The following RTTN variants were observed in gnomAD, a reference collection of about 807,000 sequenced individuals.
The protein encoded by RTTN is rotatin.
A neutral mutation model predicts 269.2 loss-of-function variants in RTTN; 182 were observed. The observed-to-expected ratio is 0.68, with a 90% CI of 0.60 to 0.76. The LOEUF (loss-of-function observed/expected upper bound fraction) is 0.76, where lower values mean the gene tolerates loss of function less well. RTTN is among the 30% of genes least tolerant of loss of function. RTTN has a pLI of 0.00. For missense variants in RTTN, 2,545 were observed against 2,608.6 expected, an observed-to-expected ratio of 0.98 and a Z score of 0.53; for synonymous variants, 1,006 against 963.5, an observed-to-expected ratio of 1.04 and a Z score of -0.82.
chr18:70,118,038 T>A (rs2145527717), intron 26 of RTTN, among the ~76,000 whole-genome samples: 1 of 151,392 alleles, frequency 6.6e-6, no homozygotes, highest in South Asian at 2.1e-4. Context: ...AAGAAAGATA[T>A]CAAGTAAACA....
intron 47 of RTTN, 43 bp downstream of exon 47, chr18:70,006,338 T>A: frequency 7.2e-7 from 1 of 1,381,950 alleles, no homozygotes; most frequent in Non-Finnish European, 1.0e-6. Flanking sequence ...GGTTATACCT[T>A]GTTGTTTGCT....
At chr18:70,109,961 A>C (rs1568397077) in intron 27 of RTTN, among the ~76,000 whole-genome samples, 2 of 152,190 alleles carry the variant, frequency 1.3e-5, no homozygotes, top group Non-Finnish European at 2.9e-5. Flanking sequence ...GCTCACCCCT[A>C]TAATCCCAGT....
At chr18:70,033,592 T>A (rs952023891) in intron 40 of RTTN, among the ~76,000 whole-genome samples, 1 of 152,162 alleles carries the variant, frequency 6.6e-6, no homozygotes, top group African/African-American at 2.4e-5. Context: ...CAGGAAAATT[T>A]TGAGCGCTAA....
intron 32 of RTTN, among the ~76,000 whole-genome samples, chr18:70,081,417 G>GA (rs2058564505): frequency 6.6e-6 from 1 of 152,084 alleles, no homozygotes; most frequent in Non-Finnish European, 1.5e-5. Context: ...CCTTCCAAAA[G>GA]AAAAAACTGT....
At chr18:70,073,804 G>T in intron 34 of RTTN, 102 bp downstream of exon 34, 1 of 762,432 alleles carries the variant, frequency 1.3e-6, no homozygotes, top group Non-Finnish European at 2.2e-6. Context: ...ATAAATCATA[G>T]CTGTTATAAC....
intron 2 of RTTN, among the ~76,000 whole-genome samples, chr18:70,204,806 A>G (rs1322303766): frequency 6.6e-6 from 1 of 152,242 alleles, no homozygotes; most frequent in Non-Finnish European, 1.5e-5. Flanking sequence ...TTTCATACTG[A>G]CATATCTAGT....
rs758494880 is a variant in RTTN, at chr18:70,051,501, T to G, written c.5233A>C (p.Asn1745His). The G allele has an allele frequency of 9.9e-6, 16 of 1,612,036 alleles. No homozygotes were observed. The highest frequency in any genetic ancestry group is 1.3e-5 in the Non-Finnish European group (15 of 1,178,170). Residue 1745 changes from asparagine (N) to histidine (H), a missense_variant, in exon 39 of 49, where the codon AAT (asparagine) becomes CAT (histidine). Transcript: ENST00000640769. ...AFYHTWTHLF[N>H]LLAMLLRKAG... ...TTCCTCAGGAGCATGGCCAGAAGAT[T>G]AAATAAATGTGTCCATGTGTGATAA...
chr18:70,166,140 C>T lies in RTTN; in HGVS notation c.1851G>A (p.Lys617=), dbSNP rs1236542870. The T allele has an allele frequency of 1.9e-6, 3 of 1,613,532 alleles. No homozygotes were observed. The highest frequency in any genetic ancestry group is 1.3e-5 in the African/African-American group (1 of 75,038). ...ASPLLQGESQ[K]VLLHMLSHPL... is the part of the protein sequence containing the mutation. Reference sequence around the variant, plus strand: ...GGTGAGACAACATATGGAGAAGCACCTTCTGACTTTCTCCTTGTAGTAATG... The same window carrying T: ...GGTGAGACAACATATGGAGAAGCACTTTCTGACTTTCTCCTTGTAGTAATG... The change falls in exon 14 of 49, where the codon AAG becomes AAA. Residue 617 remains lysine (K), a synonymous_variant. Transcript: ENST00000640769.
chr18:70,100,902 C>T (rs1410523477), intron 28 of RTTN, among the ~76,000 whole-genome samples: 2 of 152,172 alleles, frequency 1.3e-5, no homozygotes, highest in Non-Finnish European at 2.9e-5. Flanking sequence ...CATGTTGAAC[C>T]AGCCTTGCAT....
At chr18:70,017,142 C>T (rs1394391746) in intron 46 of RTTN, among the ~76,000 whole-genome samples, 1 of 152,060 alleles carries the variant, frequency 6.6e-6, no homozygotes. Context: ...GAAGGTAAGG[C>T]CAGGGAGCCC....
chr18:70,021,374 T>C (rs544826982), intron 44 of RTTN, among the ~76,000 whole-genome samples: 57 of 152,232 alleles, frequency 3.7e-4, no homozygotes, highest in African/African-American at 1.3e-3. Flanking sequence ...ATTAAGTAAC[T>C]GAATGAGACT....
chr18:70,136,764 T>C (rs746328207), intron 21 of RTTN, among the ~76,000 whole-genome samples: 134 of 152,254 alleles, frequency 8.8e-4, no homozygotes, highest in Non-Finnish European at 1.5e-3. Context: ...CATTATCTTA[T>C]AAAATCTCTT....
chr18:70,106,215 C>A (rs2059316909), intron 28 of RTTN, among the ~76,000 whole-genome samples: 1 of 152,140 alleles, frequency 6.6e-6, no homozygotes, highest in Non-Finnish European at 1.5e-5. Flanking sequence ...TGTAGTGGTG[C>A]ACACCTGTGG....
At chr18:70,006,564 C>G (rs1051552747) in intron 46 of RTTN, 80 bp from the exon 47 acceptor site, 83 of 1,031,948 alleles carry the variant, frequency 8.0e-5, no homozygotes, top group Middle Eastern at 2.1e-4. Context: ...TCAGACACCC[C>G]CCTCTTTTCC....
chr18:70,131,451 G>A (rs1222227232), intron 23 of RTTN: 3 of 151,052 alleles, frequency 2.0e-5, no homozygotes, highest in East Asian at 1.9e-4. Flanking sequence ...TCTGGGATGT[G>A]GTAAAAATAC....
intron 26 of RTTN, among the ~76,000 whole-genome samples, chr18:70,117,435 C>T (rs1250758793): frequency 6.6e-6 from 1 of 151,720 alleles, no homozygotes; most frequent in Non-Finnish European, 1.5e-5. Context: ...GGGAGTAAAC[C>T]CAACTGATAG....
At chr18:70,198,065 A>T (rs1020868053) in intron 5 of RTTN, among the ~76,000 whole-genome samples, 3 of 152,238 alleles carry the variant, frequency 2.0e-5, no homozygotes, top group African/African-American at 7.2e-5. Flanking sequence ...AATGAGGTCA[A>T]AGAGCACACA....
Position 70,048,015 on chromosome 18 carries a change from C to T in RTTN, c.5497G>A (p.Glu1833Lys), listed in dbSNP as rs370519259. The change falls in exon 40 of 49, where the codon GAA (glutamate) becomes AAA (lysine). Residue 1833 changes from glutamate (E) to lysine (K), a missense_variant. Coordinates refer to ENST00000640769, the MANE Select transcript of RTTN (RefSeq NM_173630.4). ...AGTTGTTCTAGAGATTTCTGATTTT[C>T]CTGAGAGTCATCAAGAAGTGAAGCC... is the stretch of plus-strand genomic sequence containing the variant. ...TVASLLDDSQ[E>K]NQKSLEQLSD... 5 of 1,613,932 alleles carry T rather than the reference C, an allele frequency of 3.1e-6. No homozygotes were observed. In the African/African-American group the frequency reaches 6.7e-5, roughly 22 times the overall value.
chr18:70,095,718 C>A (rs548026437), intron 28 of RTTN, among the ~76,000 whole-genome samples: 1 of 152,084 alleles, frequency 6.6e-6, no homozygotes, highest in South Asian at 2.1e-4. Context: ...TCTCTGGCTG[C>A]CCTTAATATA....
Sources: gnomAD v4.1 joint callset for allele counts (sites outside exome capture counted in the v4.1 genomes callset) on GRCh38, gnomAD v4.1.1 for gene constraint, MANE v1.5 for transcripts, NCBI Gene and HGNC (gene_info 2026-07-23, HGNC 2026-07-21) for gene names.